The following OR14I1 variants were observed in gnomAD, a reference collection of about 807,000 sequenced individuals.
OR14I1 encodes the protein olfactory receptor 14I1.
For synonymous variants in OR14I1, 118 were observed against 71.1 expected (o/e 1.66, Z -3.32); for missense variants, 279 against 181.8 (o/e 1.53, Z -3.07).
upstream of OR14I1, among the ~76,000 whole-genome samples, chr1:248,686,941 C>G (rs532175318): frequency 6.6e-6 from 1 of 152,318 alleles, no homozygotes; most frequent in Admixed American, 6.5e-5. Flanking sequence ...ACAATCTTCT[C>G]TGTTAGTTTC....
At chr1:248,689,936 C>A in the OR14I1 span, among the ~76,000 whole-genome samples, 1 of 152,206 alleles carries the variant, frequency 6.6e-6, no homozygotes, top group Non-Finnish European at 1.5e-5. Context: ...CTCAGCACCA[C>A]ACAACTACAT....
chr1:248,693,824 G>A, the OR14I1 span, among the ~76,000 whole-genome samples: 1 of 148,912 alleles, frequency 6.7e-6, no homozygotes, highest in Non-Finnish European at 1.5e-5. Context: ...CTCTCACTAT[G>A]AATAGCTAAG....
At chr1:248,682,731 AG>A (rs1661587218), upstream of OR14I1, among the ~76,000 whole-genome samples, 3 of 152,156 alleles carry the variant, frequency 2.0e-5, no homozygotes, top group Admixed American at 2.0e-4. Context: ...TTAGTACAAA[AG>A]TTTGTAGTTT....
upstream of OR14I1, among the ~76,000 whole-genome samples, chr1:248,685,354 G>A (rs1395553336): frequency 2.0e-5 from 3 of 152,064 alleles, no homozygotes; most frequent in East Asian, 5.8e-4. Flanking sequence ...AATGAAACAA[G>A]TAATAAAATG....
chr1:248,693,251 G>A, the OR14I1 span, among the ~76,000 whole-genome samples: 11 of 152,194 alleles, frequency 7.2e-5, no homozygotes, highest in Admixed American at 3.3e-4. Context: ...CTGCTCCCAC[G>A]TCACCTGGGT....
downstream of OR14I1, among the ~76,000 whole-genome samples, chr1:248,680,612 C>G (rs1661541162): frequency 6.6e-6 from 1 of 152,160 alleles, no homozygotes; most frequent in Non-Finnish European, 1.5e-5. Context: ...ATGATAATCA[C>G]CAGCAGTGAC....
the OR14I1 span, among the ~76,000 whole-genome samples, chr1:248,697,587 C>A: frequency 6.6e-6 from 1 of 151,726 alleles, no homozygotes; most frequent in Non-Finnish European, 1.5e-5. Flanking sequence ...GAGTTCAAGA[C>A]CAGCCTGACC....
chr1:248,681,654 G>C (rs755378191), exon 1 of OR14I1: 1 of 781,036 alleles, frequency 1.3e-6, no homozygotes, highest in Non-Finnish European at 2.4e-6. Context: ...AGAAGATTTG[G>C]AAATAGGAGA....
At chr1:248,693,240 C>G in the OR14I1 span, among the ~76,000 whole-genome samples, 1 of 152,186 alleles carries the variant, frequency 6.6e-6, no homozygotes, top group Admixed American at 6.5e-5. Flanking sequence ...ACTGACTGTT[C>G]CTGCTCCCAC....
chr1:248,694,734 G>A, the OR14I1 span, among the ~76,000 whole-genome samples: 1 of 152,316 alleles, frequency 6.6e-6, no homozygotes, highest in South Asian at 2.1e-4. Flanking sequence ...ACAAATGCAT[G>A]TAGGAAAATA....
chr1:248,693,172 A>T, the OR14I1 span, among the ~76,000 whole-genome samples: 1 of 151,954 alleles, frequency 6.6e-6, no homozygotes, highest in East Asian at 1.9e-4. Context: ...ATCCTGCATC[A>T]CCTCCCAAGC....
chr1:248,686,562 A>AGTTTTC (rs1553277819), upstream of OR14I1, among the ~76,000 whole-genome samples: 1 of 149,528 alleles, frequency 6.7e-6, no homozygotes, highest in African/African-American at 2.4e-5. Flanking sequence ...ATTCAAGCAA[A>AGTTTTC]CTGAATGCAC....
chr1:248,690,776 C>CAAA, the OR14I1 span, among the ~76,000 whole-genome samples: 1 of 148,474 alleles, frequency 6.7e-6, no homozygotes. Context: ...GAGACACAAC[C>CAAA]AAAAAAAAAA....
At chr1:248,686,381 G>C (rs1387477727), upstream of OR14I1, among the ~76,000 whole-genome samples, 1 of 152,118 alleles carries the variant, frequency 6.6e-6, no homozygotes, top group Non-Finnish European at 1.5e-5. Context: ...TTTTACTTCA[G>C]TGTAGTTTTC....
upstream of OR14I1, among the ~76,000 whole-genome samples, chr1:248,686,049 T>C (rs928557417): frequency 6.6e-6 from 1 of 152,142 alleles, no homozygotes; most frequent in Non-Finnish European, 1.5e-5. Context: ...CAATACATTT[T>C]CATATACATA....
the OR14I1 span, among the ~76,000 whole-genome samples, chr1:248,695,214 C>G: frequency 7.3e-6 from 1 of 137,526 alleles, no homozygotes; most frequent in Non-Finnish European, 1.6e-5. Context: ...TTACGAATTA[C>G]TTTTGAATGT....
the OR14I1 span, among the ~76,000 whole-genome samples, chr1:248,696,315 T>TC: frequency 6.6e-6 from 1 of 152,198 alleles, no homozygotes; most frequent in East Asian, 1.9e-4. Flanking sequence ...ACTCCTTTTT[T>TC]CCCCTTGCTC....
exon 1 of OR14I1, chr1:248,681,923 G>T (rs1443056267): frequency 1.3e-6 from 1 of 781,040 alleles, no homozygotes; most frequent in East Asian, 2.4e-5. Flanking sequence ...CTGTATTGGA[G>T]GGGGTGGCAA....
At chr1:248,697,903 CA>C in the OR14I1 span, among the ~76,000 whole-genome samples, 2 of 152,132 alleles carry the variant, frequency 1.3e-5, no homozygotes, top group African/African-American at 4.8e-5. Context: ...AAACTTTCTT[CA>C]AAAAGATTGC....
Sources: gnomAD v4.1 joint callset for allele counts (sites outside exome capture counted in the v4.1 genomes callset) on GRCh38, gnomAD v4.1.1 for gene constraint, MANE v1.5 for transcripts, NCBI Gene and HGNC (gene_info 2026-07-23, HGNC 2026-07-21) for gene names.